RELCH: variants seen among roughly 807,000 people sequenced by gnomAD.
RELCH encodes the protein RAB11-binding protein RELCH.
RELCH carries 41 observed loss-of-function variants against 150.3 expected under a neutral mutation model. The ratio of observed to expected loss-of-function variants is 0.27; its 90% CI spans 0.21 to 0.35. The LOEUF (loss-of-function observed/expected upper bound fraction) is 0.35. RELCH is among the 10% of genes least tolerant of loss of function. The probability of loss-of-function intolerance (pLI) is 1.00; values close to 1 mark genes in which losing one functional copy is unlikely to be tolerated. For synonymous variants in RELCH, 478 were observed against 531.8 expected, an observed-to-expected ratio of 0.90 and a Z score of 1.39; for missense variants, 1,092 against 1,467.8, an observed-to-expected ratio of 0.74 and a Z score of 4.18.
At chr18:62,199,257 G>GT (rs1459312180) in intron 1 of RELCH, among the ~76,000 whole-genome samples, 4 of 151,426 alleles carry the variant, frequency 2.6e-5, no homozygotes, top group African/African-American at 7.3e-5. Flanking sequence ...TACTTGAGGG[G>GT]TTTTTTTGGC....
intron 5 of RELCH, among the ~76,000 whole-genome samples, chr18:62,225,288 T>C (rs140870889): frequency 5.9e-5 from 9 of 151,954 alleles, no homozygotes; most frequent in East Asian, 5.8e-4. Flanking sequence ...GCTTGGAAGA[T>C]AGGCAAAACA....
intron 5 of RELCH, 147 bp downstream of exon 5, chr18:62,221,644 G>T: frequency 2.2e-6 from 1 of 445,480 alleles, no homozygotes. Flanking sequence ...TCTCTTGCCT[G>T]AAGCTAATTC....
intron 2 of RELCH, among the ~76,000 whole-genome samples, chr18:62,216,842 T>C (rs1292086104): frequency 1.0e-5 from 1 of 95,972 alleles, no homozygotes; most frequent in African/African-American, 4.3e-5. Flanking sequence ...TAAATAAGCC[T>C]ATTTGGCTTC....
intron 5 of RELCH, among the ~76,000 whole-genome samples, chr18:62,225,201 G>A (rs1401627796): frequency 6.6e-6 from 1 of 151,546 alleles, no homozygotes; most frequent in African/African-American, 2.4e-5. Context: ...AACTCAAAAT[G>A]GAGCATATAC....
At chr18:62,218,898 A>T (rs941465787) in intron 2 of RELCH, among the ~76,000 whole-genome samples, 6 of 151,968 alleles carry the variant, frequency 3.9e-5, no homozygotes, top group Non-Finnish European at 8.8e-5. Context: ...TTTAGCTTTA[A>T]TCTAATGCTA....
chr18:62,254,225 T>A (rs1175073442), intron 12 of RELCH, among the ~76,000 whole-genome samples: 2 of 152,182 alleles, frequency 1.3e-5, no homozygotes. Flanking sequence ...TCTTTCATTC[T>A]ATGAATTTAG....
chr18:62,217,942 T>C (rs1470182994), intron 2 of RELCH, among the ~76,000 whole-genome samples: 1 of 151,958 alleles, frequency 6.6e-6, no homozygotes, highest in African/African-American at 2.4e-5. Context: ...GCATCTTGCT[T>C]TCACTTATTT....
intron 11 of RELCH, chr18:62,245,717 A>C (rs2042374551): frequency 6.6e-6 from 1 of 152,158 alleles, no homozygotes; most frequent in Admixed American, 6.5e-5. Flanking sequence ...TTTTTGAGGG[A>C]CTAATTCAAT....
intron 11 of RELCH, chr18:62,247,043 A>C (rs992808712): frequency 5.3e-5 from 8 of 152,190 alleles, no homozygotes; most frequent in African/African-American, 1.7e-4. Flanking sequence ...GGAGAAAAGC[A>C]CACCTGGATT....
Position 62,258,426 on chromosome 18 carries a change from A to G in RELCH, c.2038-86A>G, listed in dbSNP as rs978022612. On this transcript the variant is annotated intron_variant, in intron 14 of 28. Transcript: ENST00000644646. ...TTGCTTAAAAATATGTTCTTAATTT[A>G]TTGAAATTTTTATTACTTTTTATTA... 2.5e-6 allele frequency: 3 copies of G among 1,178,932 alleles called. No homozygotes were observed. In the African/African-American group the frequency reaches 4.8e-5, roughly 19 times the overall value. The allele number at this position is 1,178,932 out of a possible 1,614,324, so 73.0% of individuals were successfully genotyped here.
chr18:62,227,468 T>C lies in RELCH; in HGVS notation c.1038T>C (p.Thr346=). The C allele has an allele frequency of 6.2e-7, 1 of 1,613,216 alleles. No homozygotes were observed. The highest frequency in any genetic ancestry group is 8.5e-7 in the Non-Finnish European group (1 of 1,179,540). The change falls in exon 6 of 29, where the codon ACT becomes ACC. Residue 346 remains threonine (T), a synonymous_variant. Coordinates refer to ENST00000644646, the MANE Select transcript of RELCH (RefSeq NM_001346231.2). ...CAATTATAAGCAACCTTCCTCCAAC[T>C]CTTGAAACTCCCCAGCCTGCAGAGG... ...LTPIISNLPP[T]LETPQPAENS... is the part of the protein sequence containing the mutation.
chr18:62,290,853 A>G (rs1346874196), intron 26 of RELCH, among the ~76,000 whole-genome samples: 1 of 152,226 alleles, frequency 6.6e-6, no homozygotes. Flanking sequence ...GAAATCAGGA[A>G]AATGGTATCT....
intron 26 of RELCH, among the ~76,000 whole-genome samples, chr18:62,287,973 A>G (rs773231616): frequency 7.2e-5 from 11 of 152,144 alleles, no homozygotes; most frequent in Admixed American, 7.2e-4. Context: ...AAACTTAGAG[A>G]TCATGTAGGT....
intron 1 of RELCH, among the ~76,000 whole-genome samples, chr18:62,204,502 T>G (rs1217640759): frequency 6.6e-6 from 1 of 152,002 alleles, no homozygotes; most frequent in Non-Finnish European, 1.5e-5. Context: ...CAACTAATTT[T>G]TCGATTTTTT....
intron 10 of RELCH, among the ~76,000 whole-genome samples, chr18:62,237,585 T>G (rs928131257): frequency 6.6e-6 from 1 of 151,830 alleles, no homozygotes; most frequent in African/African-American, 2.4e-5. Context: ...TCTATTAGTG[T>G]TTTCAAACTT....
chr18:62,214,858 G>A (rs1257128124), intron 2 of RELCH, among the ~76,000 whole-genome samples: 1 of 152,004 alleles, frequency 6.6e-6, no homozygotes, highest in Non-Finnish European at 1.5e-5. Flanking sequence ...ACCATGGAGG[G>A]CACTCTGGTC....
At chr18:62,211,422 T>G (rs940142308) in intron 2 of RELCH, among the ~76,000 whole-genome samples, 180 bp downstream of exon 2, 3 of 152,226 alleles carry the variant, frequency 2.0e-5, no homozygotes, top group Non-Finnish European at 4.4e-5. Context: ...AACTTTTTCT[T>G]CTTGTGGTAC....
At chr18:62,217,118 A>C (rs1042752775) in intron 2 of RELCH, among the ~76,000 whole-genome samples, 1 of 152,084 alleles carries the variant, frequency 6.6e-6, no homozygotes, top group East Asian at 1.9e-4. Context: ...TAATCTAAAA[A>C]TAAAAGTGAT....
At chr18:62,200,533 A>C (rs2039360903) in intron 1 of RELCH, among the ~76,000 whole-genome samples, 1 of 151,610 alleles carries the variant, frequency 6.6e-6, no homozygotes, top group Non-Finnish European at 1.5e-5. Flanking sequence ...TGAGTGCCGC[A>C]GTTGCTAAAA....
Sources: gnomAD v4.1 joint callset for allele counts (sites outside exome capture counted in the v4.1 genomes callset) on GRCh38, gnomAD v4.1.1 for gene constraint, MANE v1.5 for transcripts, NCBI Gene and HGNC (gene_info 2026-07-23, HGNC 2026-07-21) for gene names.